Variants in MAPRE1 observed in about 807,000 individuals in gnomAD.
MAPRE1 encodes the protein microtubule-associated protein RP/EB family member 1.
MAPRE1 carries 5 observed loss-of-function variants against 32.1 expected under a neutral mutation model. That is an observed-to-expected ratio of 0.16 (90% CI 0.08 to 0.33). The LOEUF is 0.33. Ranked by LOEUF, MAPRE1 falls within the 10% of genes least tolerant of loss-of-function variation. The probability of loss-of-function intolerance (pLI) is 1.00; values close to 1 mark genes in which losing one functional copy is unlikely to be tolerated. For missense variants in MAPRE1, 209 were observed against 327.2 expected (o/e 0.64, Z 2.79); for synonymous variants, 122 against 118.9 (o/e 1.03, Z -0.17).
rs549237413 is a variant in MAPRE1 at position 32,837,956 on chromosome 20, G to T, written c.475+1115G>T. On this transcript the variant is annotated intron_variant, in intron 4 of 6. Coordinates refer to ENST00000375571, the MANE Select transcript of MAPRE1 (RefSeq NM_012325.3). ...AAATTATCTGGGCATGGTGGTGCAT[G>T]CCTGTAATCCCAGCTACTCAGGAGG... 4.7e-4 allele frequency among the ~76,000 whole-genome samples: 71 copies of T among 152,272 alleles called. No individual in the cohort carries two copies. The South Asian group carries it at 5.2e-3, about 11-fold the overall frequency.
intron 2 of MAPRE1, 91 bp downstream of exon 2, chr20:32,826,139 A>G: frequency 7.7e-7 from 1 of 1,303,440 alleles, no homozygotes; most frequent in Non-Finnish European, 1.1e-6. Flanking sequence ...AGCCACACAC[A>G]GAGGTTCAGG....
intron 2 of MAPRE1, among the ~76,000 whole-genome samples, chr20:32,829,950 G>A (rs147174217): frequency 6.6e-6 from 1 of 151,954 alleles, no homozygotes; most frequent in African/African-American, 2.4e-5. Flanking sequence ...CAAAGAGAAT[G>A]ATTTTTATGA....
At chr20:32,826,610 T>G (rs1178694984) in intron 2 of MAPRE1, among the ~76,000 whole-genome samples, 1 of 135,864 alleles carries the variant, frequency 7.4e-6, no homozygotes, top group Non-Finnish European at 1.5e-5. Context: ...CACTGCAACC[T>G]TCGCCTCCCG....
At chr20:32,837,849 TGAGGCAGGCA>T (rs1158584080) in intron 4 of MAPRE1, among the ~76,000 whole-genome samples, 4 of 152,186 alleles carry the variant, frequency 2.6e-5, no homozygotes, top group African/African-American at 7.2e-5. Context: ...TTTGGGAGGC[TGAGGCAGGCA>T]GATCACTTGA....
Position 32,840,968 on chromosome 20 carries a change from A to G in MAPRE1, c.597+1112A>G, listed in dbSNP as rs559103765. On this transcript the variant is annotated intron_variant, in intron 5 of 6. Transcript: ENST00000375571. ...GTAGCTGGGACTACAGTCGTGCGCC[A>G]CCACGCCTGGCTGATTTTTGTATTT... is the stretch of plus-strand genomic sequence containing the variant. 3.3e-5 allele frequency among the ~76,000 whole-genome samples: 5 copies of G among 152,146 alleles called. No homozygotes were observed. In the South Asian group the frequency reaches 1.0e-3, roughly 32 times the overall value.
rs749072054 is a variant in MAPRE1, at chr20:32,836,780, T to C, written c.414T>C (p.Ala138=). The change falls in exon 4 of 7, where the codon GCT becomes GCC. Residue 138 remains alanine (A), a synonymous_variant. Transcript: ENST00000375571. ...GACAAGGTCAAGAAACTGCAGTGGC[T>C]CCTTCCCTTGTTGCTCCAGCTCTGA... ...AARQGQETAV[A]PSLVAPALNK... is the part of the protein sequence containing the mutation. The C allele has an allele frequency of 3.7e-6, 6 of 1,614,188 alleles. No homozygotes were observed. Among genetic ancestry groups the C allele is most frequent in the Non-Finnish European group, 5.1e-6 (6 of 1,180,020 alleles).
At chr20:32,823,155 G>C (rs944922116) in intron 1 of MAPRE1, among the ~76,000 whole-genome samples, 12 of 152,338 alleles carry the variant, frequency 7.9e-5, no homozygotes, top group Admixed American at 5.2e-4. Context: ...GACCTCTACA[G>C]ACCTCAGTCA....
intron 2 of MAPRE1, among the ~76,000 whole-genome samples, chr20:32,827,748 TAGCC>T (rs1039856748): frequency 3.3e-4 from 50 of 151,474 alleles, no homozygotes; most frequent in African/African-American, 1.2e-3. Flanking sequence ...TACAAAAAAT[TAGCC>T]AGGCTTGGTG....
chr20:32,848,233 A>G (rs1459768054), intron 6 of MAPRE1, among the ~76,000 whole-genome samples: 3 of 150,576 alleles, frequency 2.0e-5, no homozygotes, highest in Non-Finnish European at 4.4e-5. Flanking sequence ...TTTTCGAGAC[A>G]TTGTCTCACT....
chr20:32,828,439 A>G (rs1186306844), intron 2 of MAPRE1, among the ~76,000 whole-genome samples: 2 of 152,236 alleles, frequency 1.3e-5, no homozygotes, highest in East Asian at 1.9e-4. Flanking sequence ...GATAAGTTGT[A>G]TATGTGCTGA....
intron 2 of MAPRE1, among the ~76,000 whole-genome samples, chr20:32,832,608 C>T (rs531313145): frequency 6.6e-6 from 1 of 151,724 alleles, no homozygotes; most frequent in South Asian, 2.1e-4. Context: ...ACTGGAACCA[C>T]AAGGGCATGC....
intron 2 of MAPRE1, 75 bp downstream of exon 2, chr20:32,826,123 C>G (rs1276502851): frequency 1.3e-5 from 19 of 1,410,322 alleles, no homozygotes; most frequent in Non-Finnish European, 1.8e-5. Flanking sequence ...CTGTATCTGA[C>G]TGCAAAGCCA....
At chr20:32,826,515 C>T (rs1177920983) in intron 2 of MAPRE1, among the ~76,000 whole-genome samples, 153 of 122,468 alleles carry the variant, frequency 1.2e-3, no homozygotes, top group Non-Finnish European at 2.0e-3. Context: ...CCACCACGCC[C>T]GGCCTTTTTT....
intron 2 of MAPRE1, among the ~76,000 whole-genome samples, chr20:32,832,621 A>G (rs549543104): frequency 5.9e-5 from 9 of 151,912 alleles, no homozygotes; most frequent in South Asian, 4.2e-4. Context: ...GGGCATGCCA[A>G]CACGCCAAGC....
intron 6 of MAPRE1, among the ~76,000 whole-genome samples, chr20:32,847,528 T>C (rs977840434): frequency 3.9e-5 from 6 of 152,200 alleles, no homozygotes; most frequent in South Asian, 2.1e-4. Flanking sequence ...TTGAGACATA[T>C]CTTGTGAATT....
At chr20:32,825,008 CAGGCATGGTGGCATG>C (rs1489224325) in intron 1 of MAPRE1, among the ~76,000 whole-genome samples, 1 of 151,862 alleles carries the variant, frequency 6.6e-6, no homozygotes, top group Non-Finnish European at 1.5e-5. Context: ...AAAAATTAGC[CAGGCATGGTGGCATG>C]CGCCTGTAAT....
chr20:32,834,731 C>T (rs1983137793), intron 3 of MAPRE1, among the ~76,000 whole-genome samples: 1 of 151,874 alleles, frequency 6.6e-6, no homozygotes, highest in Non-Finnish European at 1.5e-5. Flanking sequence ...AGTTCATATA[C>T]AGTAATTTTG....
intron 1 of MAPRE1, among the ~76,000 whole-genome samples, chr20:32,820,252 T>TGGG (rs10661490): frequency 0.68 from 97,153 of 142,932 alleles, 34,944 homozygotes; most frequent in East Asian, 0.99. Flanking sequence ...GGGCCGGAAG[T>TGGG]GGGCTGCTGC....
intron 2 of MAPRE1, among the ~76,000 whole-genome samples, chr20:32,829,019 C>G (rs2146124975): frequency 6.6e-6 from 1 of 152,014 alleles, no homozygotes. Flanking sequence ...CTCCCAGGTT[C>G]AAGCGATTCT....
Sources: gnomAD v4.1 joint callset for allele counts (sites outside exome capture counted in the v4.1 genomes callset) on GRCh38, gnomAD v4.1.1 for gene constraint, MANE v1.5 for transcripts, NCBI Gene and HGNC (gene_info 2026-07-23, HGNC 2026-07-21) for gene names.